The following CACNA1B variants were observed in gnomAD, a reference collection of about 807,000 sequenced individuals.
The protein encoded by CACNA1B is voltage-dependent N-type calcium channel subunit alpha-1B.
A neutral mutation model predicts 247.2 loss-of-function variants in CACNA1B; 70 were observed. That is an observed-to-expected ratio of 0.28 (90% CI 0.23 to 0.35). The LOEUF (loss-of-function observed/expected upper bound fraction) is 0.35. Ranked by LOEUF, CACNA1B falls within the 10% of genes least tolerant of loss-of-function variation. The pLI is 1.00. For missense variants in CACNA1B, 2,367 were observed against 3,197.4 expected, an observed-to-expected ratio of 0.74 and a Z score of 6.26; for synonymous variants, 1,231 against 1,294.4, an observed-to-expected ratio of 0.95 and a Z score of 1.05.
At chr9:137,968,102 T>C (rs1958102544) in intron 10 of CACNA1B, among the ~76,000 whole-genome samples, 1 of 152,212 alleles carries the variant, frequency 6.6e-6, no homozygotes, top group Non-Finnish European at 1.5e-5. Context: ...TATACTTGGA[T>C]CTCTGGGCCT....
chr9:137,923,279 GGTGCCAGGTGGTATTCCA>G (rs1204527077), intron 6 of CACNA1B, among the ~76,000 whole-genome samples: 10 of 149,388 alleles, frequency 6.7e-5, no homozygotes, highest in South Asian at 2.1e-4. Flanking sequence ...GGTATTCCAT[GGTGCCAGGTGGTATTCCA>G]TGGTGCCAGG....
At chr9:137,949,265 G>GCA (rs1957847638) in intron 6 of CACNA1B, among the ~76,000 whole-genome samples, 1 of 134,420 alleles carries the variant, frequency 7.4e-6, no homozygotes, top group African/African-American at 2.8e-5. Flanking sequence ...TGGTGCGTGT[G>GCA]TGTGTCTGGT....
At chr9:137,893,242 T>G (rs1244762320) in intron 3 of CACNA1B, among the ~76,000 whole-genome samples, 1 of 151,508 alleles carries the variant, frequency 6.6e-6, no homozygotes, top group Non-Finnish European at 1.5e-5. Flanking sequence ...TTTTTTTTTT[T>G]TTTTTTTAAA....
chr9:137,942,148 A>G (rs1211603082), intron 6 of CACNA1B, among the ~76,000 whole-genome samples: 1 of 152,180 alleles, frequency 6.6e-6, no homozygotes, highest in Non-Finnish European at 1.5e-5. Context: ...AAAAAATCCC[A>G]TCAAAAAGTG....
At chr9:137,942,244 T>C (rs1483310174) in intron 6 of CACNA1B, among the ~76,000 whole-genome samples, 4 of 152,164 alleles carry the variant, frequency 2.6e-5, no homozygotes. Context: ...CACTAATGAT[T>C]AGGGAAATGC....
chr9:137,923,297 A>T (rs34141327), intron 6 of CACNA1B, among the ~76,000 whole-genome samples: 2 of 95,574 alleles, frequency 2.1e-5, no homozygotes, highest in Non-Finnish European at 4.8e-5. Flanking sequence ...GTGGTATTCC[A>T]TGGTGCCAGG....
At chr9:138,018,119 C>T (rs1393942518) in intron 18 of CACNA1B, among the ~76,000 whole-genome samples, 1 of 102 alleles carries the variant, frequency 9.8e-3, no homozygotes, top group Admixed American at 0.038. Context: ...ATGGAAGTGG[C>T]CAGGTGCAGT....
intron 8 of CACNA1B, among the ~76,000 whole-genome samples, chr9:137,956,555 G>A (rs773146746): frequency 1.3e-5 from 2 of 152,054 alleles, no homozygotes; most frequent in Non-Finnish European, 1.5e-5. Context: ...TGGGGAGGCT[G>A]AGGCAGGAGA....
chr9:137,917,234 C>T lies in CACNA1B; in HGVS notation c.776-7C>T, dbSNP rs564300362. 6.2e-7 allele frequency: 1 copy of T among 1,609,274 alleles called. No individual in the cohort carries two copies. Among genetic ancestry groups the T allele is most frequent in the South Asian group, 1.1e-5 (1 of 90,340 alleles). Reference sequence around the variant, plus strand: ...GCTCAGGGTCTGCTTCATTCTCCTTCTTGCAGATGCGGAGCCCGTGGGTGA... The same window carrying T: ...GCTCAGGGTCTGCTTCATTCTCCTTTTTGCAGATGCGGAGCCCGTGGGTGA... On this transcript the variant is annotated splice_polypyrimidine_tract_variant and splice_region_variant and intron_variant, in intron 5 of 46. Coordinates refer to ENST00000371372, the MANE Select transcript of CACNA1B (RefSeq NM_000718.4). This position sits in a 1 kb window ranked among gnomAD's most constrained non-coding sequence, Gnocchi z 5.5.
rs147938201 is a variant in CACNA1B, at chr9:137,919,301, C to A, written c.966+1870C>A. On this transcript the variant is annotated intron_variant, in intron 6 of 46. Coordinates refer to ENST00000371372, the MANE Select transcript of CACNA1B (RefSeq NM_000718.4). This position sits in a 1 kb window ranked among gnomAD's most constrained non-coding sequence, Gnocchi z 4.6. ...TAAGGGCATGGACAGTGGCGAGTGC[C>A]GTGAAGAAAACAGAAGAGGTTGAGG... Among the ~76,000 whole-genome samples, 297 of 152,280 alleles carry A rather than the reference C, an allele frequency of 2.0e-3. No individual in the cohort carries two copies. The highest frequency in any genetic ancestry group is 6.8e-3 in the African/African-American group (283 of 41,564).
intron 6 of CACNA1B, among the ~76,000 whole-genome samples, chr9:137,935,316 A>G (rs1957653363): frequency 6.6e-6 from 1 of 151,566 alleles, no homozygotes; most frequent in Non-Finnish European, 1.5e-5. Flanking sequence ...AAGTGTTCTC[A>G]TTGTTCAATT....
At chr9:137,920,204 CT>C (rs997360458) in intron 6 of CACNA1B, among the ~76,000 whole-genome samples, 4 of 149,210 alleles carry the variant, frequency 2.7e-5, no homozygotes, top group Non-Finnish European at 1.5e-5. Flanking sequence ...TGGACACTTT[CT>C]TTTTTTTTTG....
intron 6 of CACNA1B, among the ~76,000 whole-genome samples, chr9:137,925,090 G>A (rs1957534450): frequency 6.6e-6 from 1 of 152,198 alleles, no homozygotes; most frequent in Non-Finnish European, 1.5e-5. Context: ...AGTTCCCCAG[G>A]GAAAACCTGG....
At chr9:138,024,494 G>A (rs985102238) in intron 19 of CACNA1B, among the ~76,000 whole-genome samples, 7 of 152,182 alleles carry the variant, frequency 4.6e-5, no homozygotes, top group African/African-American at 1.7e-4. Flanking sequence ...CCTGCCTTTC[G>A]GACTAAAGAC....
intron 10 of CACNA1B, among the ~76,000 whole-genome samples, chr9:137,961,175 C>T (rs564899189): frequency 1.3e-5 from 2 of 152,178 alleles, no homozygotes; most frequent in East Asian, 3.9e-4. Context: ...AATGGGAGTT[C>T]ATGCATAATT....
At chr9:137,879,022 G>A (rs1339695409) in intron 1 of CACNA1B, 32 bp from the exon 2 acceptor site, 6 of 1,430,062 alleles carry the variant, frequency 4.2e-6, no homozygotes, top group South Asian at 1.2e-5. Context: ...CCCTCCGTGC[G>A]GCGTCTGCCG....
chr9:137,879,184 G>A (rs923582001), intron 2 of CACNA1B, 25 bp downstream of exon 2: 2 of 1,502,044 alleles, frequency 1.3e-6, no homozygotes, highest in Admixed American at 1.7e-5. Flanking sequence ...GGGCCTGAGG[G>A]CAGGGTGGTG....
intron 10 of CACNA1B, among the ~76,000 whole-genome samples, chr9:137,959,556 A>G (rs1374681773): frequency 2.0e-5 from 3 of 152,038 alleles, no homozygotes; most frequent in African/African-American, 7.2e-5. Flanking sequence ...AGATGAGATA[A>G]AACTGTGAAT....
chr9:138,079,176 G>A lies in CACNA1B; in HGVS notation c.5094+918G>A, dbSNP rs142477279. On this transcript the variant is annotated intron_variant, in intron 36 of 46. Coordinates refer to ENST00000371372, the MANE Select transcript of CACNA1B (RefSeq NM_000718.4). ...TCCCGAGACTGCATCAGGGTGTCTT[G>A]GAGATGGATCCAGGAATCTGAGTTT... 4.6e-5 allele frequency among the ~76,000 whole-genome samples: 7 copies of A among 152,262 alleles called. No individual in the cohort carries two copies. The East Asian group carries it at 1.4e-3, about 30-fold the overall frequency.
Sources: allele counts gnomAD v4.1 joint callset (sites outside exome capture counted in the v4.1 genomes callset), GRCh38; gene constraint gnomAD v4.1.1; non-coding constraint Gnocchi (gnomAD v3.1); transcripts MANE v1.5; gene names NCBI Gene and HGNC (gene_info 2026-07-23, HGNC 2026-07-21).